The following LINGO2 variants were observed in gnomAD, a reference collection of about 807,000 sequenced individuals.
LINGO2 encodes leucine-rich repeat and immunoglobulin-like domain-containing nogo receptor-interacting protein 2.
LINGO2 carries 14 observed loss-of-function variants against 30.6 expected under a neutral mutation model. The observed-to-expected ratio is 0.46, with a 90% confidence interval of 0.30 to 0.72. LINGO2 has a LOEUF of 0.72. LINGO2 is among the 30% of genes least tolerant of loss of function. The pLI is 0.07. For synonymous variants in LINGO2, 317 were observed against 288.5 expected, an observed-to-expected ratio of 1.10 and a Z score of -1.00; for missense variants, 729 against 751.7, an observed-to-expected ratio of 0.97 and a Z score of 0.35.
Position 28,535,212 on chromosome 9 carries a change from A to G in LINGO2, c.-364-59187T>C, listed in dbSNP as rs778596198. Among the ~76,000 whole-genome samples, 70 of 152,312 alleles carry G rather than the reference A, an allele frequency of 4.6e-4. 1 individual carries two copies. The highest frequency in any genetic ancestry group is 1.4e-3 in the Admixed American group (22 of 15,290). The stretch of plus-strand genomic sequence containing the variant: ...TAATTTTATCATATTTATACAATGG[A>G]TTACTAGGTCACATTGAAAAGTGTG... On this transcript the variant is annotated intron_variant, in intron 1 of 5. Transcript: ENST00000379992.
chr9:28,334,536 A>G (rs1346908589), intron 3 of LINGO2, among the ~76,000 whole-genome samples: 3 of 152,124 alleles, frequency 2.0e-5, no homozygotes, highest in South Asian at 2.1e-4. Context: ...AAATGAGTTA[A>G]TAGTAATAAG....
intron 4 of LINGO2, among the ~76,000 whole-genome samples, chr9:28,238,971 G>A (rs4295752): frequency 0.27 from 41,660 of 151,660 alleles, 5,935 homozygotes; most frequent in South Asian, 0.37. Flanking sequence ...TACAATGGAT[G>A]CCACAGAAAT....
the LINGO2 span, among the ~76,000 whole-genome samples, chr9:29,081,384 C>T: frequency 1.3e-5 from 2 of 152,070 alleles, no homozygotes; most frequent in African/African-American, 4.8e-5. Flanking sequence ...TTCAACAGCC[C>T]TTCATGCTAT....
At chr9:28,191,433 C>A (rs1382465899) in intron 4 of LINGO2, among the ~76,000 whole-genome samples, 2 of 152,110 alleles carry the variant, frequency 1.3e-5, no homozygotes, top group Admixed American at 6.6e-5. Context: ...ATTTTCTAAC[C>A]AGCATCTCAC....
At chr9:29,052,072 T>C in the LINGO2 span, among the ~76,000 whole-genome samples, 4 of 152,128 alleles carry the variant, frequency 2.6e-5, no homozygotes, top group Non-Finnish European at 5.9e-5. Context: ...TTTCCTATGG[T>C]TCAACTTAAT....
intron 3 of LINGO2, among the ~76,000 whole-genome samples, chr9:28,336,244 T>C (rs964118808): frequency 6.6e-6 from 1 of 152,144 alleles, no homozygotes; most frequent in African/African-American, 2.4e-5. Context: ...TTTAAGACTT[T>C]TGCTTATTTT....
the LINGO2 span, among the ~76,000 whole-genome samples, chr9:29,108,559 G>T: frequency 1.3e-5 from 2 of 152,190 alleles, no homozygotes; most frequent in Non-Finnish European, 2.9e-5. Context: ...GGCCACAAAT[G>T]CATTGCATTA....
chr9:28,089,061 A>T (rs1475264032), intron 4 of LINGO2, among the ~76,000 whole-genome samples: 5 of 152,194 alleles, frequency 3.3e-5, no homozygotes, highest in Admixed American at 1.3e-4. Context: ...CCAGATTCAT[A>T]AAGCAAGTCC....
the LINGO2 span, among the ~76,000 whole-genome samples, chr9:29,028,346 G>T: frequency 6.7e-6 from 1 of 148,368 alleles, no homozygotes; most frequent in South Asian, 2.2e-4. Flanking sequence ...CAGGAAGGAG[G>T]GTTTCATTCA....
At chr9:28,608,552 T>G (rs993818985) in intron 1 of LINGO2, among the ~76,000 whole-genome samples, 1 of 151,900 alleles carries the variant, frequency 6.6e-6, no homozygotes, top group African/African-American at 2.4e-5. Flanking sequence ...AACAGAAAAA[T>G]GGAGAACTAG....
chr9:28,395,237 A>G (rs1171187261), intron 2 of LINGO2, among the ~76,000 whole-genome samples: 1 of 152,200 alleles, frequency 6.6e-6, no homozygotes, highest in African/African-American at 2.4e-5. Context: ...ATAGAATAAA[A>G]TAGGTAAACT....
At chr9:28,357,315 G>GGCCCC (rs796282898) in intron 3 of LINGO2, among the ~76,000 whole-genome samples, 1 of 66,058 alleles carries the variant, frequency 1.5e-5, no homozygotes. Flanking sequence ...CAGAAATAAA[G>GGCCCC]CCCACCCCCC....
chr9:29,139,543 T>C, the LINGO2 span, among the ~76,000 whole-genome samples: 17 of 152,092 alleles, frequency 1.1e-4, no homozygotes, highest in Admixed American at 3.9e-4. Flanking sequence ...TGAAGTCCCA[T>C]ACTGTTGTTA....
chr9:27,941,296 G>A, the LINGO2 span: 1 of 152,318 alleles, frequency 6.6e-6, no homozygotes, highest in African/African-American at 2.4e-5. Flanking sequence ...AATTAGCCGG[G>A]TGTGGTGGTG....
At chr9:28,150,648 C>G (rs1266450152) in intron 4 of LINGO2, among the ~76,000 whole-genome samples, 1 of 152,190 alleles carries the variant, frequency 6.6e-6, no homozygotes, top group Non-Finnish European at 1.5e-5. Flanking sequence ...GTTCTGGTTG[C>G]CACTCTTCAA....
At chr9:27,946,086 T>C (rs181912049), downstream of LINGO2, among the ~76,000 whole-genome samples, 428 of 152,300 alleles carry the variant, frequency 2.8e-3, 1 homozygote, top group African/African-American at 9.8e-3. Context: ...CGGGGTTCTA[T>C]GGAGCTCTAG....
At chr9:28,386,115 T>C (rs558606148) in intron 2 of LINGO2, among the ~76,000 whole-genome samples, 3 of 152,190 alleles carry the variant, frequency 2.0e-5, no homozygotes, top group Admixed American at 1.3e-4. Context: ...TCTGCCTGCC[T>C]GAGGATCACC....
At chr9:29,144,485 A>G in the LINGO2 span, among the ~76,000 whole-genome samples, 2 of 152,118 alleles carry the variant, frequency 1.3e-5, no homozygotes, top group Non-Finnish European at 2.9e-5. Flanking sequence ...GAAGTATATT[A>G]GAGATGTGTA....
chr9:28,834,912 T>C, the LINGO2 span, among the ~76,000 whole-genome samples: 24 of 152,218 alleles, frequency 1.6e-4, no homozygotes, highest in Non-Finnish European at 3.1e-4. Context: ...TCTCGCCTTG[T>C]TTACTATTTT....
Sources: gnomAD v4.1 joint callset for allele counts (sites outside exome capture counted in the v4.1 genomes callset) on GRCh38, gnomAD v4.1.1 for gene constraint, MANE v1.5 for transcripts, NCBI Gene and HGNC (gene_info 2026-07-23, HGNC 2026-07-21) for gene names.